SPEN: variants seen among roughly 807,000 people sequenced by gnomAD.
SPEN encodes the protein msx2-interacting protein.
A neutral mutation model predicts 269.9 loss-of-function variants in SPEN; 18 were observed. The observed-to-expected ratio is 0.07, with a 90% CI of 0.05 to 0.10. The LOEUF (loss-of-function observed/expected upper bound fraction) is 0.10, where lower values mean the gene tolerates loss of function less well. Among genes scored for constraint, SPEN ranks in the 10% least tolerant of loss-of-function variants. SPEN has a pLI of 1.00. For synonymous variants in SPEN, 1,726 were observed against 1,765.7 expected (o/e 0.98, Z 0.56); for missense variants, 3,822 against 4,631.2 (o/e 0.83, Z 5.07).
chr1:15,927,411 G>A lies in SPEN; in HGVS notation c.1851-680G>A, dbSNP rs56977540. Among the ~76,000 whole-genome samples the A allele has an allele frequency of 7.2e-3, 1,094 of 152,280 alleles. 23 individuals carry two copies. The highest frequency in any genetic ancestry group is 0.025 in the African/African-American group (1,035 of 41,548). ...AAAGCTGCCATTTTATGAGTGAGGA[G>A]ACTGAGTTCAGAGAGTTTAACCAGG... is the stretch of plus-strand genomic sequence containing the variant. On this transcript the variant is annotated intron_variant, in intron 10 of 14. Transcript: ENST00000375759.
Position 15,931,713 on chromosome 1 carries a change from A to G in SPEN, c.5473A>G (p.Lys1825Glu), listed in dbSNP as rs764366607. 13 of 1,614,188 alleles carry G rather than the reference A, an allele frequency of 8.1e-6. 1 individual carries two copies. The South Asian group carries it at 1.1e-4, about 14-fold the overall frequency. Reference protein sequence around the residue: ...DKKPNKSKRSKTPVQAAAVSI... With the variant: ...DKKPNKSKRSETPVQAAAVSI... ...AAAGCCAAACAAAAGCAAGCGTTCAAAGACCCCTGTTCAGGCAGCTGCAGT... is the reference window on the plus strand; with the variant it reads ...AAAGCCAAACAAAAGCAAGCGTTCAGAGACCCCTGTTCAGGCAGCTGCAGT... Residue 1825 changes from lysine (K) to glutamate (E), a missense_variant, in exon 11 of 15, where the codon AAG (lysine) becomes GAG (glutamate). Physicochemically the swap from Lys to Glu is moderately conservative, Grantham distance 56. Around this residue, in one of 16 missense-constraint regions of SPEN, gnomAD observed 533 missense variants for 618.8 expected, o/e 0.86. Transcript: ENST00000375759. The surrounding 1 kb of genome is among the most constrained non-coding windows in gnomAD (Gnocchi z 4.8).
chr1:15,922,878 C>T (rs781148035), intron 10 of SPEN, among the ~76,000 whole-genome samples: 5 of 151,996 alleles, frequency 3.3e-5, no homozygotes, highest in Admixed American at 6.6e-5. Flanking sequence ...CCTCCCAAAG[C>T]GCTGGGATTA....
chr1:15,893,623 G>A (rs61782229), intron 3 of SPEN, among the ~76,000 whole-genome samples: 27,429 of 152,068 alleles, frequency 0.18, 3,134 homozygotes, highest in South Asian at 0.28. Flanking sequence ...GCAGGAAAGA[G>A]CAAACTTCTT....
rs748119163 is a variant in SPEN, at chr1:15,929,258, T to C, written c.3018T>C (p.Ser1006=). The C allele has an allele frequency of 5.0e-6, 8 of 1,614,056 alleles. No individual in the cohort carries two copies. The South Asian group carries it at 8.8e-5, about 18-fold the overall frequency. Residue 1006 remains serine (S), a synonymous_variant, in exon 11 of 15, where the codon AGT becomes AGC. Coordinates refer to ENST00000375759, the MANE Select transcript of SPEN (RefSeq NM_015001.3). This position sits in a 1 kb window ranked among gnomAD's most constrained non-coding sequence, Gnocchi z 5.8. ...EKQKPEVKKS[S]PEMEDARVLS... ...AAAAACCAGAGGTCAAGAAAAGCAG[T>C]CCAGAGATGGAGGATGCTCGCGTGC...
At position 15,850,379 on chromosome 1, in the gene SPEN, T is replaced by G. The variant is rs114225199; in HGVS notation, c.83+2229T>G. Among the ~76,000 whole-genome samples, 256 of 136,244 alleles carry G rather than the reference T, an allele frequency of 1.9e-3. 1 individual carries two copies. Among genetic ancestry groups the G allele is most frequent in the Middle Eastern group, 7.4e-3 (2 of 270 alleles). 89.4% of individuals were successfully genotyped at this position (136,244 alleles called of 152,430 possible). On this transcript the variant is annotated intron_variant, in intron 1 of 14. Coordinates refer to ENST00000375759, the MANE Select transcript of SPEN (RefSeq NM_015001.3). ...TAAAACTAAGCAGATCATGTGTCCC[T>G]GAAATTCTTTTATTTTAAAGGTTTT...
intron 3 of SPEN, among the ~76,000 whole-genome samples, chr1:15,895,783 C>T (rs183798253): frequency 2.0e-5 from 3 of 149,884 alleles, no homozygotes; most frequent in African/African-American, 4.9e-5. Context: ...CAGGTTCAAG[C>T]GATTCTCCCA....
intron 1 of SPEN, among the ~76,000 whole-genome samples, chr1:15,861,652 G>T (rs923889726): frequency 7.3e-5 from 11 of 151,570 alleles, no homozygotes; most frequent in South Asian, 4.2e-4. Context: ...TTTTTTTTGT[G>T]GGGGGAGTAG....
At position 15,929,935 on chromosome 1, in the gene SPEN, A is replaced by G. The variant is rs760748544; in HGVS notation, c.3695A>G (p.His1232Arg). Residue 1232 changes from histidine (H) to arginine (R), a missense_variant, in exon 11 of 15, where the codon CAT (histidine) becomes CGT (arginine). By Grantham distance (29) the His-to-Arg change is conservative. Coordinates refer to ENST00000375759, the MANE Select transcript of SPEN (RefSeq NM_015001.3). This position sits in a 1 kb window ranked among gnomAD's most constrained non-coding sequence, Gnocchi z 5.8. Reference protein sequence around the residue: ...SPPSKKKRMDHVDFDICTKRE... With the variant: ...SPPSKKKRMDRVDFDICTKRE... The stretch of plus-strand genomic sequence containing the variant: ...CCTAGCAAAAAGAAAAGGATGGATC[A>G]TGTCGATTTTGATATCTGCACCAAG... 1.0e-4 allele frequency: 163 copies of G among 1,614,064 alleles called. No homozygotes were observed. The Admixed American group carries it at 2.7e-3, about 27-fold the overall frequency.
At chr1:15,898,320 A>G (rs1325275228) in intron 3 of SPEN, among the ~76,000 whole-genome samples, 2 of 151,796 alleles carry the variant, frequency 1.3e-5, no homozygotes, top group African/African-American at 2.4e-5. Flanking sequence ...GAACTTTTTC[A>G]TCTTCCTCAA....
In SPEN at chr1:15,919,041, A is replaced by G; in HGVS notation, c.1511A>G (p.Asn504Ser). 6.2e-7 allele frequency: 1 copy of G among 1,611,894 alleles called. No individual in the cohort carries two copies. Among genetic ancestry groups the G allele is most frequent in the Non-Finnish European group, 8.5e-7 (1 of 1,179,294 alleles). Residue 504 changes from asparagine to serine, a missense_variant, in exon 7 of 15, where the codon AAT becomes AGT. Transcript: ENST00000375759. ...KKMDGEYLGN[N>S]RLKLGFGKSM... Reference sequence around the variant, plus strand: ...ATGGATGGGGAATATCTTGGAAATAATCGCCTCAAGGTAAATGAATTTGCA... The same window carrying G: ...ATGGATGGGGAATATCTTGGAAATAGTCGCCTCAAGGTAAATGAATTTGCA...
At chr1:15,869,546 TA>T (rs2070551943) in intron 1 of SPEN, among the ~76,000 whole-genome samples, 1 of 152,056 alleles carries the variant, frequency 6.6e-6, no homozygotes, top group Non-Finnish European at 1.5e-5. Context: ...TTTTATAATG[TA>T]AAAAACCAGC....
intron 10 of SPEN, among the ~76,000 whole-genome samples, chr1:15,927,821 A>C (rs1469834584): frequency 1.3e-5 from 2 of 152,254 alleles, no homozygotes; most frequent in Admixed American, 1.3e-4. Context: ...ACGTTGTTTC[A>C]ACATATAATC....
At chr1:15,907,065 C>G (rs1266035784) in intron 3 of SPEN, among the ~76,000 whole-genome samples, 3 of 152,090 alleles carry the variant, frequency 2.0e-5, no homozygotes, top group Non-Finnish European at 2.9e-5. Flanking sequence ...AGCCACTGCA[C>G]CCAGTCAAGT....
chr1:15,861,134 C>CTTTTTTTTTTTTTTTTTTTTT (rs1169274095), intron 1 of SPEN, among the ~76,000 whole-genome samples: 1 of 136,128 alleles, frequency 7.3e-6, no homozygotes, highest in Non-Finnish European at 1.6e-5. Flanking sequence ...GGCTGAGTGA[C>CTTTTTTTTTTTTTTTTTTTTT]TTTTTTTTTT....
At chr1:15,911,806 C>A (rs746211880) in intron 5 of SPEN, among the ~76,000 whole-genome samples, 1 of 152,094 alleles carries the variant, frequency 6.6e-6, no homozygotes, top group Non-Finnish European at 1.5e-5. Context: ...ACTAGAAATA[C>A]AAAAATTAGC....
rs953151323 is a variant in SPEN, at chr1:15,868,187, T to A, written c.84-4629T>A. 1.6e-4 allele frequency among the ~76,000 whole-genome samples: 24 copies of A among 151,096 alleles called. No homozygotes were observed. In the East Asian group the frequency reaches 4.6e-3, roughly 29 times the overall value. ...TTTATTTATTTATATACATATATAT[T>A]TATAGAGATGAGGTCTTGCTGTGTT... On this transcript the variant is annotated intron_variant, in intron 1 of 14. Transcript: ENST00000375759.
intron 1 of SPEN, among the ~76,000 whole-genome samples, chr1:15,865,433 T>C (rs2070495400): frequency 6.7e-6 from 1 of 150,288 alleles, no homozygotes; most frequent in Non-Finnish European, 1.5e-5. Flanking sequence ...TTTTTTTTTT[T>C]TTTTTTCTGA....
chr1:15,936,653 A>AAAAAAAAG, intron 11 of SPEN, among the ~76,000 whole-genome samples: 1 of 151,750 alleles, frequency 6.6e-6, no homozygotes, highest in Middle Eastern at 3.4e-3. Flanking sequence ...AAAAAAAAAA[A>AAAAAAAAG]AAGCCGGGCA....
rs573715438 is a variant in SPEN, at chr1:15,873,309, G to C, written c.404+173G>C. The C allele has an allele frequency of 3.0e-6, 3 of 985,260 alleles. No individual in the cohort carries two copies. The African/African-American group carries it at 5.2e-5, about 17-fold the overall frequency. 61.0% of individuals were successfully genotyped at this position (985,260 alleles called of 1,614,324 possible). A position where few individuals can be genotyped will look rare whatever the true frequency, so the allele number is the denominator to read the frequency against. ...CCAATGGCTGGTATCTTATGGAATC[G>C]TAGAGGATATTTCCTGCAGCTGATT... On this transcript the variant is annotated intron_variant, in intron 2 of 14. Transcript: ENST00000375759.
Sources: allele counts gnomAD v4.1 joint callset (sites outside exome capture counted in the v4.1 genomes callset), GRCh38; gene constraint gnomAD v4.1.1; regional missense constraint gnomAD v4.1.1; non-coding constraint Gnocchi (gnomAD v3.1); transcripts MANE v1.5; gene names NCBI Gene and HGNC (gene_info 2026-07-23, HGNC 2026-07-21).